Variants in AFF2 observed in about 807,000 individuals in gnomAD.
AFF2 encodes AF4/FMR2 family member 2.
Under a neutral mutation model 76.9 loss-of-function variants are expected in AFF2, and 14 were observed. The ratio of observed to expected loss-of-function variants is 0.18; its 90% confidence interval spans 0.12 to 0.28. The LOEUF (loss-of-function observed/expected upper bound fraction) is 0.28. Among genes scored for constraint, AFF2 ranks in the 10% least tolerant of loss-of-function variants. AFF2 has a pLI of 1.00. For missense variants in AFF2, 868 were observed against 1,001.1 expected (o/e 0.87, Z 1.79); for synonymous variants, 398 against 366.7 (o/e 1.09, Z -0.98).
At chrX:148,765,676 C>CTTTA (rs201915480) in intron 3 of AFF2, among the ~76,000 whole-genome samples, 20 of 107,758 alleles carry the variant, frequency 1.9e-4, no homozygotes, top group South Asian at 3.9e-4. Context: ...CTAAGAAAGT[C>CTTTA]TTTATTTATT....
chrX:148,715,395 T>C lies in AFF2; in HGVS notation c.1041+52627T>C, dbSNP rs141583822. Among the ~76,000 whole-genome samples, 611 of 111,147 alleles carry C rather than the reference T, an allele frequency of 5.5e-3. 4 individuals carry two copies. The highest frequency in any genetic ancestry group is 0.019 in the African/African-American group (576 of 30,454). ...AGAAAGCCCCAGATCAGCACATATA[T>C]GTACACCATTCCACTCCCACTAGTG... On this transcript the variant is annotated intron_variant, in intron 3 of 20. Coordinates refer to ENST00000370460, the MANE Select transcript of AFF2 (RefSeq NM_002025.4).
intron 1 of AFF2, among the ~76,000 whole-genome samples, chrX:148,576,042 G>T (rs1557243389): frequency 9.0e-6 from 1 of 110,953 alleles, no homozygotes; most frequent in African/African-American, 3.3e-5. Flanking sequence ...GAATTCAGTA[G>T]CAGTGTACAG....
intron 3 of AFF2, among the ~76,000 whole-genome samples, chrX:148,792,044 T>G (rs1228925503): frequency 9.0e-6 from 1 of 111,211 alleles, no homozygotes; most frequent in African/African-American, 3.3e-5. Flanking sequence ...GGGAACCAGT[T>G]TTTTTGTACA....
chrX:148,807,840 T>G (rs189486842), intron 3 of AFF2, among the ~76,000 whole-genome samples: 1 of 112,628 alleles, frequency 8.9e-6, no homozygotes, highest in Admixed American at 9.4e-5. Flanking sequence ...TGGAGTGGGA[T>G]TGTATTTGCA....
chrX:148,982,578 C>T (rs147641776), intron 19 of AFF2, among the ~76,000 whole-genome samples: 1,142 of 112,043 alleles, frequency 0.01, 12 homozygotes, highest in African/African-American at 0.031. Context: ...CTCACAGCAC[C>T]TTCCAGGAGC....
At position 148,539,769 on chromosome X, in the gene AFF2, C is replaced by G. The variant is rs145020991; in HGVS notation, c.47+38625C>G. On this transcript the variant is annotated intron_variant, in intron 1 of 20. Transcript: ENST00000370460. ...TTTTAGTCAGTTCCATCATCATCAC[C>G]AAAAGCACACCATTGAAATCTAGAT... Among the ~76,000 whole-genome samples, 569 of 110,730 alleles carry G rather than the reference C, an allele frequency of 5.1e-3. 2 individuals are homozygous for G. The highest frequency in any genetic ancestry group is 7.8e-3 in the Non-Finnish European group (415 of 52,890).
rs782033507 is a variant in AFF2, at chrX:148,955,380, T to A, written c.1558-223T>A. Among the ~76,000 whole-genome samples the A allele has an allele frequency of 2.5e-4, 28 of 112,759 alleles. 1 individual carries two copies. The Admixed American group carries it at 2.5e-3, about 10-fold the overall frequency. ...TTTCAGAGAAGGAGTCGAAATGAGC[T>A]TAAATAAGTAGACTGCAGCTGGTTT... On this transcript the variant is annotated intron_variant, in intron 10 of 20. Coordinates refer to ENST00000370460, the MANE Select transcript of AFF2 (RefSeq NM_002025.4).
intron 7 of AFF2, among the ~76,000 whole-genome samples, chrX:148,882,670 G>A (rs919187383): frequency 2.7e-5 from 3 of 111,739 alleles, no homozygotes; most frequent in East Asian, 5.7e-4. Flanking sequence ...CTGCTGAGAC[G>A]ACCTTAACTG....
intron 1 of AFF2, among the ~76,000 whole-genome samples, chrX:148,593,130 T>C (rs1056967704): frequency 1.8e-5 from 2 of 112,230 alleles, no homozygotes; most frequent in African/African-American, 6.5e-5. Context: ...TGTAGCTGGA[T>C]CTTGATATGC....
chrX:148,917,046 T>C (rs2071540881), intron 9 of AFF2, among the ~76,000 whole-genome samples: 1 of 112,821 alleles, frequency 8.9e-6, no homozygotes, highest in Non-Finnish European at 1.9e-5. Context: ...TTGGAAATCA[T>C]ACTGAACTAA....
intron 8 of AFF2, among the ~76,000 whole-genome samples, chrX:148,894,615 A>G (rs1220632894): frequency 1.8e-5 from 2 of 111,736 alleles, no homozygotes; most frequent in Admixed American, 9.5e-5. Context: ...CTAAAAATGT[A>G]TAAACTTGCT....
chrX:148,688,070 C>T (rs113694070), intron 3 of AFF2, among the ~76,000 whole-genome samples: 1,853 of 110,924 alleles, frequency 0.017, 38 homozygotes, highest in African/African-American at 0.058. Context: ...TATCAATCAC[C>T]GAATCCTACC....
intron 3 of AFF2, among the ~76,000 whole-genome samples, chrX:148,715,719 T>C (rs1557263310): frequency 2.7e-5 from 3 of 112,332 alleles, no homozygotes; most frequent in Admixed American, 9.4e-5. Context: ...TTAATCAACT[T>C]CGTAAGAACC....
intron 1 of AFF2, among the ~76,000 whole-genome samples, chrX:148,572,007 T>C (rs1345756877): frequency 9.7e-6 from 1 of 102,966 alleles, no homozygotes; most frequent in Non-Finnish European, 2.0e-5. Context: ...AAAATATTTG[T>C]AAACCATAGA....
intron 1 of AFF2, among the ~76,000 whole-genome samples, chrX:148,503,870 G>A (rs371258747): frequency 1.3e-4 from 15 of 111,510 alleles, no homozygotes; most frequent in East Asian, 1.1e-3. Flanking sequence ...CTCTGGACTC[G>A]ATTAAAGGGC....
At chrX:148,896,627 A>AT (rs1235378804) in intron 8 of AFF2, among the ~76,000 whole-genome samples, 18 of 110,780 alleles carry the variant, frequency 1.6e-4, no homozygotes, top group Non-Finnish European at 2.8e-4. Context: ...AAAATTCCAC[A>AT]TTTTTTTTCT....
At chrX:148,567,860 G>T (rs782495053) in intron 1 of AFF2, among the ~76,000 whole-genome samples, 8 of 112,072 alleles carry the variant, frequency 7.1e-5, no homozygotes, top group Non-Finnish European at 1.5e-4. Flanking sequence ...CAAAAGAACA[G>T]ATTCTTTCTT....
At chrX:148,904,335 G>T in intron 9 of AFF2, 77 bp downstream of exon 9, 1 of 623,395 alleles carries the variant, frequency 1.6e-6, no homozygotes, top group Non-Finnish European at 2.6e-6. Context: ...GGTCATAAAA[G>T]AGACCTTGGA....
chrX:148,869,513 G>A (rs960186733), intron 7 of AFF2, among the ~76,000 whole-genome samples: 2 of 112,201 alleles, frequency 1.8e-5, no homozygotes, highest in Admixed American at 9.4e-5. Context: ...TTAGGCTTGA[G>A]GCATTTGTGG....
Sources: allele counts gnomAD v4.1 joint callset (sites outside exome capture counted in the v4.1 genomes callset), GRCh38; gene constraint gnomAD v4.1.1; transcripts MANE v1.5; gene names NCBI Gene and HGNC (gene_info 2026-07-23, HGNC 2026-07-21).